The following ULK2 variants were observed in gnomAD, a reference collection of about 807,000 sequenced individuals.
ULK2 encodes unc-51 like autophagy activating kinase 2.
A neutral mutation model predicts 127.5 loss-of-function variants in ULK2; 76 were observed. That is an observed-to-expected ratio of 0.60 (90% CI 0.50 to 0.72). The LOEUF is 0.72. Among genes scored for constraint, ULK2 ranks in the 30% least tolerant of loss-of-function variants. The pLI is 0.00. For synonymous variants in ULK2, 452 were observed against 461.9 expected (o/e 0.98, Z 0.28); for missense variants, 1,144 against 1,295.9 (o/e 0.88, Z 1.80).
At chr17:19,800,155 TC>T (rs1361002996) in intron 16 of ULK2, among the ~76,000 whole-genome samples, 2 of 152,212 alleles carry the variant, frequency 1.3e-5, no homozygotes, top group Non-Finnish European at 2.9e-5. Context: ...CTTCCTGCCC[TC>T]CTTTTCCAGG....
Position 19,798,387 on chromosome 17 carries a change from C to A in ULK2, c.1523-705G>T, listed in dbSNP as rs145866595. ...GAGCCTAAGAGATCCCTGTTTCCCCCCTACAAACCTTGCTGTTTCCAACCC... is the reference window on the plus strand; with the variant it reads ...GAGCCTAAGAGATCCCTGTTTCCCCACTACAAACCTTGCTGTTTCCAACCC... On this transcript the variant is annotated intron_variant, in intron 17 of 26. Coordinates refer to ENST00000395544, the MANE Select transcript of ULK2 (RefSeq NM_014683.4). Among the ~76,000 whole-genome samples the A allele has an allele frequency of 2.6e-5, 4 of 152,280 alleles. No homozygotes were observed. In the South Asian group the frequency reaches 8.3e-4, roughly 32 times the overall value.
intron 14 of ULK2, among the ~76,000 whole-genome samples, chr17:19,807,357 C>G (rs1243841560): frequency 6.6e-6 from 1 of 152,142 alleles, no homozygotes; most frequent in African/African-American, 2.4e-5. Flanking sequence ...GAAATCCACT[C>G]AGATGGTGCA....
chr17:19,797,011 T>A (rs911059161), intron 18 of ULK2, among the ~76,000 whole-genome samples: 2 of 152,234 alleles, frequency 1.3e-5, no homozygotes, highest in Non-Finnish European at 2.9e-5. Flanking sequence ...TAGCTATTAT[T>A]GTCCAGGAGC....
At chr17:19,784,836 T>C (rs915167822) in intron 21 of ULK2, among the ~76,000 whole-genome samples, 4 of 152,148 alleles carry the variant, frequency 2.6e-5, no homozygotes, top group African/African-American at 9.7e-5. Context: ...TTGGGCATTG[T>C]ACTTTTTAAG....
chr17:19,820,189 C>T (rs1292397179), intron 12 of ULK2, among the ~76,000 whole-genome samples: 1 of 151,938 alleles, frequency 6.6e-6, no homozygotes, highest in Non-Finnish European at 1.5e-5. Context: ...GCTGGAACTA[C>T]AGGCGCGCCC....
At chr17:19,785,011 G>C (rs59438037) in intron 21 of ULK2, among the ~76,000 whole-genome samples, 13 of 151,764 alleles carry the variant, frequency 8.6e-5, no homozygotes, top group Non-Finnish European at 5.9e-5. Flanking sequence ...AACTTATTTA[G>C]AATAAGATAA....
chr17:19,836,436 G>T (rs1015335207), intron 10 of ULK2, among the ~76,000 whole-genome samples: 5 of 149,468 alleles, frequency 3.3e-5, no homozygotes, highest in African/African-American at 1.2e-4. Flanking sequence ...AAAAAAATTA[G>T]CCGGGCATGG....
intron 10 of ULK2, among the ~76,000 whole-genome samples, chr17:19,834,699 C>G: frequency 6.6e-6 from 1 of 151,976 alleles, no homozygotes; most frequent in East Asian, 1.9e-4. Flanking sequence ...TGCGCTTGAA[C>G]CCAGGAGTTG....
chr17:19,810,738 GCT>G (rs2087620628), intron 13 of ULK2, among the ~76,000 whole-genome samples: 1 of 151,686 alleles, frequency 6.6e-6, no homozygotes, highest in Non-Finnish European at 1.5e-5. Context: ...CAAAAACTGT[GCT>G]GTTTTTATCA....
chr17:19,781,010 TCA>T lies in ULK2; in HGVS notation c.2732_2733del (p.Leu911GlnfsTer18). On this transcript the variant is annotated frameshift_variant, in exon 24 of 27. Transcript: ENST00000395544. LOFTEE classifies it high-confidence loss of function. The part of the protein sequence containing the change: ...LAKAQIKSGK[L>X]SPSTAVKQVV... ...CCTTGTTTCACAGCTGTGGATGGGC[TCA>T]GTTTCCCGGACTTGATCTGGGCTTT... is the stretch of plus-strand genomic sequence containing the variant. The T allele has an allele frequency of 1.2e-6, 2 of 1,614,038 alleles. No individual in the cohort carries two copies. The highest frequency in any genetic ancestry group is 1.7e-6 in the Non-Finnish European group (2 of 1,180,014).
At chr17:19,819,937 CCT>C (rs1271509664) in intron 12 of ULK2, among the ~76,000 whole-genome samples, 1 of 152,120 alleles carries the variant, frequency 6.6e-6, no homozygotes, top group Non-Finnish European at 1.5e-5. Flanking sequence ...CTCTGTATTT[CCT>C]CTCTCACTCC....
chr17:19,790,262 C>G (rs2087123746), intron 20 of ULK2, among the ~76,000 whole-genome samples: 1 of 151,942 alleles, frequency 6.6e-6, no homozygotes. Flanking sequence ...ACTAAAAATA[C>G]AAAAATTTGC....
chr17:19,849,086 T>G (rs2041958918), intron 5 of ULK2, among the ~76,000 whole-genome samples: 1 of 152,144 alleles, frequency 6.6e-6, no homozygotes, highest in African/African-American at 2.4e-5. Context: ...AGGAATTCTA[T>G]CGGGTTTCTC....
Position 19,845,322 on chromosome 17 carries a change from A to G in ULK2, c.525T>C (p.Cys175=). ...LHSNMMAATL[C]GSPMYMAPEV... is the part of the protein sequence containing the mutation. ...CACTCACCATGTACATCGGGGATCC[A>G]CACAGTGTTGCAGCCATCATGTTAC... The change falls in exon 7 of 27, where the codon TGT becomes TGC. Residue 175 remains cysteine (C), a synonymous_variant. Transcript: ENST00000395544. 1 of 1,613,900 alleles carries G rather than the reference A, an allele frequency of 6.2e-7. No homozygotes were observed. The highest frequency in any genetic ancestry group is 8.5e-7 in the Non-Finnish European group (1 of 1,179,842).
At chr17:19,861,448 G>GGCAGGAGAATGGCGTGAAC (rs1237070722) in intron 3 of ULK2, among the ~76,000 whole-genome samples, 2 of 152,164 alleles carry the variant, frequency 1.3e-5, no homozygotes, top group African/African-American at 4.8e-5. Flanking sequence ...TGGAGGCTGA[G>GGCAGGAGAATGGCGTGAAC]GCAGGAGAAT....
chr17:19,850,790 T>C (rs1280483034), intron 3 of ULK2, among the ~76,000 whole-genome samples: 2 of 151,892 alleles, frequency 1.3e-5, no homozygotes, highest in African/African-American at 2.4e-5. Flanking sequence ...ATCGAGATCA[T>C]GCCATTGCAC....
intron 10 of ULK2, among the ~76,000 whole-genome samples, chr17:19,826,455 T>C (rs1367857472): frequency 2.0e-5 from 3 of 152,190 alleles, no homozygotes; most frequent in Non-Finnish European, 4.4e-5. Context: ...CAACATACTC[T>C]GATGCTACTT....
intron 10 of ULK2, among the ~76,000 whole-genome samples, chr17:19,834,113 G>T (rs775433623): frequency 6.6e-6 from 1 of 152,060 alleles, no homozygotes; most frequent in Non-Finnish European, 1.5e-5. Context: ...AGATTAACAG[G>T]TGACTTCTCA....
intron 10 of ULK2, among the ~76,000 whole-genome samples, chr17:19,835,945 G>A (rs1489920356): frequency 6.6e-6 from 1 of 151,560 alleles, no homozygotes; most frequent in East Asian, 2.0e-4. Context: ...AACATTGTGA[G>A]ACCCTATCCC....
Sources: allele counts gnomAD v4.1 joint callset (sites outside exome capture counted in the v4.1 genomes callset), GRCh38; gene constraint gnomAD v4.1.1; transcripts MANE v1.5; gene names NCBI Gene and HGNC (gene_info 2026-07-23, HGNC 2026-07-21).